Variants in TSHZ3 observed in about 807,000 individuals in gnomAD.
TSHZ3 encodes teashirt zinc finger homeobox 3.
In TSHZ3, 10 loss-of-function variants were observed where a neutral mutation model predicts 64.5. The ratio of observed to expected loss-of-function variants is 0.16; its 90% confidence interval spans 0.10 to 0.26. The LOEUF is 0.26. Ranked by LOEUF, TSHZ3 falls within the 10% of genes least tolerant of loss-of-function variation. TSHZ3 has a pLI of 1.00. For missense variants in TSHZ3, 1,242 were observed against 1,421.7 expected (o/e 0.87, Z 2.03); for synonymous variants, 608 against 593.1 (o/e 1.03, Z -0.36).
chr19:31,173,103 G>A (rs1974558476), intron 5 of TSHZ3, among the ~76,000 whole-genome samples: 2 of 152,212 alleles, frequency 1.3e-5, no homozygotes, highest in Admixed American at 1.3e-4. Context: ...TATTTGAAAA[G>A]GAAGATCCAA....
At chr19:31,286,262 C>T (rs1018278637) in intron 1 of TSHZ3, among the ~76,000 whole-genome samples, 16 of 152,184 alleles carry the variant, frequency 1.1e-4, no homozygotes, top group African/African-American at 3.9e-4. Flanking sequence ...TGCACAGAAC[C>T]AAATGTGACT....
At chr19:31,173,048 T>C (rs1015615354) in intron 5 of TSHZ3, among the ~76,000 whole-genome samples, 1 of 152,160 alleles carries the variant, frequency 6.6e-6, no homozygotes, top group African/African-American at 2.4e-5. Context: ...TGGCAGTCCT[T>C]TGTAGGGCTC....
At chr19:31,192,930 G>A (rs1974932304) in intron 5 of TSHZ3, among the ~76,000 whole-genome samples, 1 of 152,184 alleles carries the variant, frequency 6.6e-6, no homozygotes, top group Non-Finnish European at 1.5e-5. Context: ...CGTGGAGAAG[G>A]TGATTAGTGG....
At chr19:31,344,189 A>G (rs1917518442) in intron 1 of TSHZ3, among the ~76,000 whole-genome samples, 1 of 152,212 alleles carries the variant, frequency 6.6e-6, no homozygotes, top group Non-Finnish European at 1.5e-5. Flanking sequence ...AGACACAGAC[A>G]CACACACGCA....
intron 1 of TSHZ3, among the ~76,000 whole-genome samples, chr19:31,339,619 T>A (rs75472966): frequency 1.3e-5 from 2 of 152,146 alleles, no homozygotes; most frequent in Non-Finnish European, 2.9e-5. Flanking sequence ...CAGTGATGTA[T>A]GACTCTGCTG....
At chr19:31,224,028 G>A (rs1975426789) in intron 4 of TSHZ3, among the ~76,000 whole-genome samples, 1 of 152,324 alleles carries the variant, frequency 6.6e-6, no homozygotes, top group South Asian at 2.1e-4. Flanking sequence ...TAGAAGCAAG[G>A]TGATGAAAAA....
chr19:31,254,926 A>T (rs970306805), intron 1 of TSHZ3, among the ~76,000 whole-genome samples: 5 of 152,316 alleles, frequency 3.3e-5, no homozygotes, highest in East Asian at 1.9e-4. Flanking sequence ...CCTGGCCAGC[A>T]TCTGGAGAAG....
At chr19:31,349,983 T>C (rs1462339950), upstream of TSHZ3, among the ~76,000 whole-genome samples, 2 of 132,524 alleles carry the variant, frequency 1.5e-5, no homozygotes, top group African/African-American at 5.6e-5. Context: ...CTCCGCCCCG[T>C]GCGCACACGC....
chr19:31,206,463 T>C (rs960871139), intron 4 of TSHZ3, among the ~76,000 whole-genome samples: 5 of 152,132 alleles, frequency 3.3e-5, no homozygotes, highest in South Asian at 2.1e-4. Flanking sequence ...CAAAAGCATG[T>C]TTTATTTTGG....
chr19:31,276,476 G>C lies in TSHZ3; in HGVS notation c.*71C>G, dbSNP rs1195311567. The C allele has an allele frequency of 1.1e-5, 16 of 1,391,582 alleles. No homozygotes were observed. Among genetic ancestry groups the C allele is most frequent in the Middle Eastern group, 1.9e-4 (1 of 5,276 alleles). 86.2% of individuals were successfully genotyped at this position (1,391,582 alleles called of 1,614,324 possible). ...AACATGTGCCAAGAACAACAAGTCA[G>C]AGGGGGCCTGAAGGTGCCTTCCACA... On this transcript the variant is annotated 3_prime_UTR_variant, in exon 2 of 2. Transcript: ENST00000240587.
intron 4 of TSHZ3, among the ~76,000 whole-genome samples, chr19:31,215,511 C>T (rs980656292): frequency 7.9e-5 from 12 of 152,166 alleles, no homozygotes; most frequent in African/African-American, 2.7e-4. Context: ...CTGAAGATAG[C>T]TGGTCCCAAT....
chr19:31,244,203 G>T (rs1423139883), intron 1 of TSHZ3, among the ~76,000 whole-genome samples: 5 of 152,136 alleles, frequency 3.3e-5, no homozygotes, highest in Non-Finnish European at 7.4e-5. Context: ...GGAGGTGATT[G>T]GATCTTGGGG....
chr19:31,276,280 C>T lies in TSHZ3; in HGVS notation c.*267G>A, dbSNP rs548334335. ...TGTTAATGCATGCAGCTTGAAGCAT[C>T]GGGAGGATGCTCACAACTAAATCCC... On this transcript the variant is annotated 3_prime_UTR_variant, in exon 2 of 2. Coordinates refer to ENST00000240587, the MANE Select transcript of TSHZ3 (RefSeq NM_020856.4). 76 of 325,542 alleles carry T rather than the reference C, an allele frequency of 2.3e-4. No homozygotes were observed. The highest frequency in any genetic ancestry group is 1.2e-3 in the African/African-American group (57 of 47,110). 20.2% of individuals were successfully genotyped at this position (325,542 alleles called of 1,614,324 possible).
chr19:31,343,275 C>T (rs1008406995), intron 1 of TSHZ3, among the ~76,000 whole-genome samples: 4 of 152,142 alleles, frequency 2.6e-5, no homozygotes, highest in African/African-American at 9.7e-5. Context: ...TCTTCAAGAG[C>T]CACACCTTTG....
chr19:31,238,616 T>C (rs1377917659), intron 3 of TSHZ3, among the ~76,000 whole-genome samples: 1 of 152,174 alleles, frequency 6.6e-6, no homozygotes, highest in Admixed American at 6.5e-5. Context: ...ACCTTGCTAG[T>C]GAATTGTTCC....
chr19:31,325,786 G>A (rs1003953845), intron 1 of TSHZ3, among the ~76,000 whole-genome samples: 7 of 152,168 alleles, frequency 4.6e-5, no homozygotes, highest in African/African-American at 1.7e-4. Context: ...CAACCAGAAT[G>A]TCCATGCAGA....
chr19:31,287,129 G>T (rs1332981923), intron 1 of TSHZ3, among the ~76,000 whole-genome samples: 1 of 152,154 alleles, frequency 6.6e-6, no homozygotes, highest in Non-Finnish European at 1.5e-5. Flanking sequence ...AACCACGGGG[G>T]CCACGGATGG....
intron 3 of TSHZ3, among the ~76,000 whole-genome samples, chr19:31,233,425 A>G (rs1179144196): frequency 6.6e-6 from 1 of 152,124 alleles, no homozygotes; most frequent in Non-Finnish European, 1.5e-5. Flanking sequence ...AACTTCTCTT[A>G]TTTATTAGTT....
intron 5 of TSHZ3, among the ~76,000 whole-genome samples, chr19:31,186,543 T>C (rs145229195): frequency 0.012 from 1,778 of 152,374 alleles, 33 homozygotes; most frequent in African/African-American, 0.038. Context: ...CATGCTGAAC[T>C]GTGAGTCAAT....
Sources: allele counts gnomAD v4.1 joint callset (sites outside exome capture counted in the v4.1 genomes callset), GRCh38; gene constraint gnomAD v4.1.1; transcripts MANE v1.5; gene names NCBI Gene and HGNC (gene_info 2026-07-23, HGNC 2026-07-21).